The following GPC6 variants were observed in gnomAD, a reference collection of about 807,000 sequenced individuals.
GPC6 encodes glypican 6, also known as glypican-6.
In GPC6, 14 loss-of-function variants were observed where a neutral mutation model predicts 55.2. The observed-to-expected ratio is 0.25, with a 90% CI of 0.17 to 0.40. The LOEUF (loss-of-function observed/expected upper bound fraction) is 0.40, where lower values mean the gene tolerates loss of function less well. Ranked by LOEUF, GPC6 falls within the 10% of genes least tolerant of loss-of-function variation. The probability of loss-of-function intolerance (pLI) is 1.00; values close to 1 mark genes in which losing one functional copy is unlikely to be tolerated. For synonymous variants in GPC6, 278 were observed against 259.6 expected (o/e 1.07, Z -0.68); for missense variants, 641 against 708.5 (o/e 0.90, Z 1.08).
chr13:93,597,007 CAAAAAAAAA>C (rs10709473), intron 2 of GPC6, among the ~76,000 whole-genome samples: 12 of 68,052 alleles, frequency 1.8e-4, no homozygotes, highest in East Asian at 5.1e-4. Context: ...TCAAATCTGG[CAAAAAAAAA>C]AAAAAAAAAA....
chr13:93,564,417 T>C (rs951345644), intron 2 of GPC6, among the ~76,000 whole-genome samples: 1 of 152,148 alleles, frequency 6.6e-6, no homozygotes, highest in Non-Finnish European at 1.5e-5. Context: ...AAAAGTCCTT[T>C]TGTACCTTTT....
At position 94,233,366 on chromosome 13, in the gene GPC6, A is replaced by C. The variant is rs528728132; in HGVS notation, c.878-52983A>C. Among the ~76,000 whole-genome samples the C allele has an allele frequency of 6.6e-4, 100 of 152,158 alleles. 1 individual carries two copies. Among genetic ancestry groups the C allele is most frequent in the Non-Finnish European group, 1.1e-3 (73 of 68,026 alleles). Reference sequence around the variant, plus strand: ...TCAATAAAGAAGTAACTCATAAGCAAATAGCTCCTAATTTATCTCTTTTCT... The same window carrying C: ...TCAATAAAGAAGTAACTCATAAGCACATAGCTCCTAATTTATCTCTTTTCT... On this transcript the variant is annotated intron_variant, in intron 4 of 8. Transcript: ENST00000377047.
At chr13:93,385,472 T>C (rs536024645) in intron 1 of GPC6, among the ~76,000 whole-genome samples, 5 of 152,322 alleles carry the variant, frequency 3.3e-5, no homozygotes, top group Non-Finnish European at 7.3e-5. Flanking sequence ...AAAAAATGGT[T>C]TAGAGGCACC....
intron 2 of GPC6, among the ~76,000 whole-genome samples, chr13:93,581,262 A>G (rs149643464): frequency 4.0e-4 from 61 of 150,802 alleles, no homozygotes; most frequent in African/African-American, 1.5e-3. Context: ...GAATAGCCCA[A>G]TATCTGCTAG....
intron 4 of GPC6, among the ~76,000 whole-genome samples, chr13:94,183,222 C>T (rs530778436): frequency 5.3e-5 from 8 of 152,140 alleles, no homozygotes; most frequent in Non-Finnish European, 1.2e-4. Context: ...TTCTTACTTA[C>T]CCCCAACCCC....
chr13:93,442,636 C>T (rs1487218921), intron 1 of GPC6, among the ~76,000 whole-genome samples: 6 of 152,114 alleles, frequency 3.9e-5, no homozygotes, highest in African/African-American at 7.2e-5. Context: ...ATATGCACAG[C>T]GATGACTACG....
chr13:94,290,620 T>C (rs1874910432), intron 5 of GPC6, among the ~76,000 whole-genome samples: 2 of 152,138 alleles, frequency 1.3e-5, no homozygotes, highest in Admixed American at 1.3e-4. Context: ...AATTAACAAA[T>C]GCATTGCACC....
At chr13:93,656,419 C>G (rs1880670037) in intron 2 of GPC6, among the ~76,000 whole-genome samples, 1 of 152,128 alleles carries the variant, frequency 6.6e-6, no homozygotes, top group South Asian at 2.1e-4. Context: ...TACTATAATG[C>G]TATCTCTCCT....
At chr13:94,078,990 A>G (rs1438932578) in intron 4 of GPC6, among the ~76,000 whole-genome samples, 3 of 152,052 alleles carry the variant, frequency 2.0e-5, no homozygotes, top group African/African-American at 4.8e-5. Context: ...ACCCATATCC[A>G]TGGATTCTGT....
In GPC6 at chr13:93,227,476, C is replaced by T. The variant is rs1468618388; in HGVS notation, c.20C>T (p.Ala7Val). 1 of 1,613,888 alleles carries T rather than the reference C, an allele frequency of 6.2e-7. No individual in the cohort carries two copies. Among genetic ancestry groups the T allele is most frequent in the East Asian group, 2.2e-5 (1 of 44,810 alleles). Residue 7 changes from alanine (A) to valine (V), a missense_variant, in exon 1 of 9, where the codon GCT becomes GTT. Ala to Val is a moderately conservative substitution (Grantham distance 64). Coordinates refer to ENST00000377047, the MANE Select transcript of GPC6 (RefSeq NM_005708.5). This position sits in a 1 kb window ranked among gnomAD's most constrained non-coding sequence, Gnocchi z 4.3. MPSWIG[A>V]VILPLLGLLL... ...TGCACCATGCCTTCTTGGATCGGGG[C>T]TGTGATTCTTCCCCTCTTGGGGCTG...
intron 1 of GPC6, among the ~76,000 whole-genome samples, chr13:93,462,638 GA>G (rs3214748): frequency 0.19 from 27,021 of 140,558 alleles, 2,949 homozygotes; most frequent in East Asian, 0.49. Context: ...TGTAAAAATT[GA>G]AAAAAAAAAC....
intron 6 of GPC6, among the ~76,000 whole-genome samples, chr13:94,377,816 A>G (rs2139201923): frequency 6.6e-6 from 1 of 152,348 alleles, no homozygotes; most frequent in South Asian, 2.1e-4. Context: ...ACAATGATAG[A>G]CTGGATTAAG....
At chr13:93,525,388 G>T (rs778592180) in intron 1 of GPC6, among the ~76,000 whole-genome samples, 6 of 152,038 alleles carry the variant, frequency 3.9e-5, no homozygotes, top group Non-Finnish European at 8.8e-5. Context: ...TTGTCTAAGA[G>T]CATGTGTTTG....
chr13:93,388,584 C>T (rs2139214259), intron 1 of GPC6, among the ~76,000 whole-genome samples: 1 of 152,286 alleles, frequency 6.6e-6, no homozygotes, highest in East Asian at 1.9e-4. Context: ...TTCTCTCAAG[C>T]TGAGGTATAT....
chr13:93,450,841 T>C lies in GPC6; in HGVS notation c.161-94422T>C, dbSNP rs190614614. On this transcript the variant is annotated intron_variant, in intron 1 of 8. Coordinates refer to ENST00000377047, the MANE Select transcript of GPC6 (RefSeq NM_005708.5). ...TTTATCCTGAGGACATATGAAGTCA[T>C]TGGCATACATAGAAGAGTTAATATG... The C allele has an allele frequency of 7.2e-5, 18 of 249,190 alleles. No individual in the cohort carries two copies. In the East Asian group the frequency reaches 2.7e-3, roughly 37 times the overall value. 15.4% of individuals were successfully genotyped at this position (249,190 alleles called of 1,614,324 possible).
intron 2 of GPC6, among the ~76,000 whole-genome samples, chr13:93,692,759 T>C (rs1882303252): frequency 6.6e-6 from 1 of 152,138 alleles, no homozygotes; most frequent in South Asian, 2.1e-4. Context: ...TTTGAAAATA[T>C]GTATAGTCTG....
chr13:93,951,910 A>G (rs952685916), intron 3 of GPC6, among the ~76,000 whole-genome samples: 14 of 152,120 alleles, frequency 9.2e-5, no homozygotes, highest in African/African-American at 3.1e-4. Flanking sequence ...CCTAAAATAA[A>G]TGGGTTGTGT....
At chr13:93,694,529 G>A (rs1396658909) in intron 2 of GPC6, among the ~76,000 whole-genome samples, 2 of 152,160 alleles carry the variant, frequency 1.3e-5, no homozygotes, top group Non-Finnish European at 2.9e-5. Context: ...TACACCAACT[G>A]TTGAAAGCTG....
intron 2 of GPC6, among the ~76,000 whole-genome samples, chr13:93,797,439 T>G (rs1270686039): frequency 2.0e-5 from 3 of 152,220 alleles, no homozygotes; most frequent in Non-Finnish European, 4.4e-5. Context: ...TTTCTCAGCC[T>G]CAATCTCCTC....
Sources: gnomAD v4.1 joint callset for allele counts (sites outside exome capture counted in the v4.1 genomes callset) on GRCh38, gnomAD v4.1.1 for gene constraint, Gnocchi (gnomAD v3.1) non-coding constraint, MANE v1.5 for transcripts, NCBI Gene and HGNC (gene_info 2026-07-23, HGNC 2026-07-21) for gene names.